TMEM214: variants seen among roughly 807,000 people sequenced by gnomAD.
TMEM214 encodes transmembrane protein 214.
A neutral mutation model predicts 89.8 loss-of-function variants in TMEM214; 71 were observed. The observed-to-expected ratio is 0.79, with a 90% CI of 0.65 to 0.96. TMEM214 has a LOEUF of 0.96. TMEM214 is among the 40% of genes least tolerant of loss of function. TMEM214 has a pLI of 0.00. For synonymous variants in TMEM214, 332 were observed against 349.5 expected (o/e 0.95, Z 0.56); for missense variants, 754 against 843.4 (o/e 0.89, Z 1.31).
chr2:27,039,236 G>A lies in TMEM214; in HGVS notation c.1525+72G>A, dbSNP rs112434687. 2.0e-5 allele frequency: 25 copies of A among 1,243,436 alleles called. No individual in the cohort carries two copies. The East Asian group carries it at 2.2e-4, about 11-fold the overall frequency. 77.0% of individuals were successfully genotyped at this position (1,243,436 alleles called of 1,614,324 possible). The stretch of plus-strand genomic sequence containing the variant: ...GAGCTACACGTAGCACCACCACCCC[G>A]CCCCCAGCAGCACACATCTTTGTCC... On this transcript the variant is annotated intron_variant, in intron 13 of 16. Coordinates refer to ENST00000238788, the MANE Select transcript of TMEM214 (RefSeq NM_017727.5).
chr2:27,036,612 G>GA lies in TMEM214; in HGVS notation c.826+23dup. The GA allele has an allele frequency of 6.2e-7, 1 of 1,613,728 alleles. No individual in the cohort carries two copies. The highest frequency in any genetic ancestry group is 8.5e-7 in the Non-Finnish European group (1 of 1,179,584). On this transcript the variant is annotated intron_variant, in intron 6 of 16. Coordinates refer to ENST00000238788, the MANE Select transcript of TMEM214 (RefSeq NM_017727.5). ...TGAAAGGTAACAGGGAAATAGGGAAGAAAGAGGGAGGGTCTCGGAGCTGGA... is the reference window on the plus strand; with the variant it reads ...TGAAAGGTAACAGGGAAATAGGGAAGAAAAGAGGGAGGGTCTCGGAGCTGGA...
chr2:27,039,619 C>A, intron 13 of TMEM214, 122 bp from the exon 14 acceptor site: 2 of 861,844 alleles, frequency 2.3e-6, no homozygotes, highest in Non-Finnish European at 3.9e-6. Flanking sequence ...GGCTTTGTGG[C>A]CCTGTGAGAA....
rs373622522 is a variant in TMEM214 at position 27,036,091 on chromosome 2, G to A, written c.720+39G>A. 3 of 1,594,604 alleles carry A rather than the reference G, an allele frequency of 1.9e-6. No homozygotes were observed. The East Asian group carries it at 6.7e-5, about 36-fold the overall frequency. The stretch of plus-strand genomic sequence containing the variant: ...GATGGTGGGGATGCTAGGAAGCTAG[G>A]ACTGGGGAGGCTGGGCAGAATCTAT... On this transcript the variant is annotated intron_variant, in intron 5 of 16. Coordinates refer to ENST00000238788, the MANE Select transcript of TMEM214 (RefSeq NM_017727.5).
Position 27,038,087 on chromosome 2 carries a change from C to T in TMEM214, c.1153-59C>T. The T allele has an allele frequency of 2.5e-6, 4 of 1,613,270 alleles. No homozygotes were observed. The highest frequency in any genetic ancestry group is 2.5e-6 in the Non-Finnish European group (3 of 1,179,864). Reference sequence around the variant, plus strand: ...ACGGGAAGGGGATCACCTCTTAGCACTCCCCGCCTCTGCCAGCCCCATGCC... The same window carrying T: ...ACGGGAAGGGGATCACCTCTTAGCATTCCCCGCCTCTGCCAGCCCCATGCC... On this transcript the variant is annotated intron_variant, in intron 9 of 16. Transcript: ENST00000238788. This position sits in a 1 kb window ranked among gnomAD's most constrained non-coding sequence, Gnocchi z 4.4.
intron 16 of TMEM214, 49 bp downstream of exon 16, chr2:27,040,545 C>A: frequency 6.2e-7 from 1 of 1,601,910 alleles, no homozygotes; most frequent in African/African-American, 1.3e-5. Context: ...AGCCCCATTC[C>A]CGGGCCCCAG....
Position 27,038,949 on chromosome 2 carries a change from T to C in TMEM214, c.1408-98T>C, listed in dbSNP as rs887123473. Reference sequence around the variant, plus strand: ...GCTGCCTCCAGGATAATGTGAAGGCTTGACGCTCTTTCGGGAAGGCCTGGC... The same window carrying C: ...GCTGCCTCCAGGATAATGTGAAGGCCTGACGCTCTTTCGGGAAGGCCTGGC... On this transcript the variant is annotated intron_variant, in intron 12 of 16. Transcript: ENST00000238788. The surrounding 1 kb of genome is among the most constrained non-coding windows in gnomAD (Gnocchi z 4.4). 11 of 1,477,850 alleles carry C rather than the reference T, an allele frequency of 7.4e-6. No individual in the cohort carries two copies. The highest frequency in any genetic ancestry group is 8.5e-6 in the Non-Finnish European group (9 of 1,062,852). The allele number at this position is 1,477,850 out of a possible 1,614,324, so 91.5% of individuals were successfully genotyped here.
Position 27,040,808 on chromosome 2 carries a change from T to C in TMEM214, c.2041T>C (p.Trp681Arg). Residue 681 changes from tryptophan (W) to arginine (R), a missense_variant, in exon 17 of 17, where the codon TGG becomes CGG. Physicochemically the swap from Trp to Arg is moderately radical, Grantham distance 101. Coordinates refer to ENST00000238788, the MANE Select transcript of TMEM214 (RefSeq NM_017727.5). Reference protein sequence around the residue: ...LQDITVAFLDWALALISQQ With the variant: ...LQDITVAFLDRALALISQQ ...GGACATTACAGTGGCTTTCTTGGAC[T>C]GGGCACTTGCCCTGATATCCCAGCA... 2.5e-6 allele frequency: 4 copies of C among 1,614,128 alleles called. No homozygotes were observed. The highest frequency in any genetic ancestry group is 3.4e-6 in the Non-Finnish European group (4 of 1,179,944).
rs1163738027 is a variant in TMEM214, at chr2:27,033,042, G to A, written c.27G>A (p.Gly9=). MATKTAGV[G]RWEVVKKGRR... is the part of the protein sequence containing the mutation. Reference sequence around the variant, plus strand: ...TGGCGACCAAGACGGCGGGCGTGGGGCGGTGGGAGGTAGTGAAGAAGGGTC... The same window carrying A: ...TGGCGACCAAGACGGCGGGCGTGGGACGGTGGGAGGTAGTGAAGAAGGGTC... Residue 9 remains glycine, a synonymous_variant, in exon 1 of 17, where the codon GGG becomes GGA. Transcript: ENST00000238788. 3.9e-5 allele frequency: 49 copies of A among 1,247,100 alleles called. No individual in the cohort carries two copies. The highest frequency in any genetic ancestry group is 5.0e-5 in the Non-Finnish European group (49 of 987,960). The allele number at this position is 1,247,100 out of a possible 1,614,324, so 77.3% of individuals were successfully genotyped here.
At position 27,040,777 on chromosome 2, in the gene TMEM214, C is replaced by T. The variant is rs1360011384; in HGVS notation, c.2010C>T (p.Cys670=). The T allele has an allele frequency of 6.2e-7, 1 of 1,614,090 alleles. No homozygotes were observed. The highest frequency in any genetic ancestry group is 8.5e-7 in the Non-Finnish European group (1 of 1,180,036). The change falls in exon 17 of 17, where the codon TGC becomes TGT. Residue 670 remains cysteine (C), a synonymous_variant. Transcript: ENST00000238788. ...LSEAVHWTWL[C]LQDITVAFLD... ...AGGCTGTCCACTGGACCTGGCTTTG[C>T]CTACAGGACATTACAGTGGCTTTCT...
rs1010385811 is a variant in TMEM214, at chr2:27,037,762, T to C, written c.1152+60T>C. On this transcript the variant is annotated intron_variant, in intron 9 of 16. Coordinates refer to ENST00000238788, the MANE Select transcript of TMEM214 (RefSeq NM_017727.5). ...CAGGGGTCAGCTGTAGCGGTCCCTA[T>C]CTGCTGACAAAGGCCTTGCCTTCAC... 1.1e-5 allele frequency: 18 copies of C among 1,613,774 alleles called. No homozygotes were observed. In the African/African-American group the frequency reaches 2.0e-4, roughly 18 times the overall value.
Position 27,032,994 on chromosome 2 carries a change from C to A in TMEM214, c.-22C>A, listed in dbSNP as rs887712464. 6.4e-6 allele frequency: 8 copies of A among 1,245,248 alleles called. No homozygotes were observed. Among genetic ancestry groups the A allele is most frequent in the Non-Finnish European group, 8.1e-6 (8 of 987,434 alleles). 77.1% of individuals were successfully genotyped at this position (1,245,248 alleles called of 1,614,324 possible). A position where few individuals can be genotyped will look rare whatever the true frequency, so the allele number is the denominator to read the frequency against. ...CGGACCGGAAAGCCGGGGAAGTGGC[C>A]GAGGAGGGAGGGCTGCGAGCCATGG... On this transcript the variant is annotated 5_prime_UTR_variant, in exon 1 of 17. Coordinates refer to ENST00000238788, the MANE Select transcript of TMEM214 (RefSeq NM_017727.5).
chr2:27,038,016 T>C lies in TMEM214; in HGVS notation c.1153-130T>C. 1.3e-6 allele frequency: 2 copies of C among 1,598,980 alleles called. No individual in the cohort carries two copies. The highest frequency in any genetic ancestry group is 1.7e-6 in the Non-Finnish European group (2 of 1,173,438). On this transcript the variant is annotated intron_variant, in intron 9 of 16. Coordinates refer to ENST00000238788, the MANE Select transcript of TMEM214 (RefSeq NM_017727.5). The surrounding 1 kb of genome is among the most constrained non-coding windows in gnomAD (Gnocchi z 4.4). ...AGAGCTTTCTGGAGTCTTGACACTG[T>C]TTCTCCACCCCTTAGGGTGGATGTG...
chr2:27,034,642 G>A (rs941522934), intron 2 of TMEM214: 37 of 205,116 alleles, frequency 1.8e-4, no homozygotes, highest in South Asian at 1.4e-3. Flanking sequence ...TCCCTCTGTC[G>A]CCCAGGCTGG....
chr2:27,033,332 G>A (rs548726304), intron 1 of TMEM214, among the ~76,000 whole-genome samples, 166 bp downstream of exon 1: 1 of 152,252 alleles, frequency 6.6e-6, no homozygotes, highest in South Asian at 2.1e-4. Context: ...GGAAGGTTGC[G>A]GTCCTCACCT....
chr2:27,038,610 C>A lies in TMEM214; in HGVS notation c.1293+78C>A, dbSNP rs1025598449. On this transcript the variant is annotated intron_variant, in intron 11 of 16. Transcript: ENST00000238788. This position sits in a 1 kb window ranked among gnomAD's most constrained non-coding sequence, Gnocchi z 4.4. The stretch of plus-strand genomic sequence containing the variant: ...TGAGTGGGGGCTCCTCAGCCACTGT[C>A]CCTTCCCTGAGAAGGGACCCTGTTG... The A allele has an allele frequency of 6.8e-5, 109 of 1,605,980 alleles. No individual in the cohort carries two copies. Among genetic ancestry groups the A allele is most frequent in the Non-Finnish European group, 8.4e-5 (99 of 1,173,880 alleles).
Position 27,039,732 on chromosome 2 carries a change from TTTAC to T in TMEM214, c.1526-5_1526-2del. The T allele has an allele frequency of 6.2e-7, 1 of 1,613,918 alleles. No individual in the cohort carries two copies. The highest frequency in any genetic ancestry group is 1.1e-5 in the South Asian group (1 of 91,072). Reference sequence around the variant, plus strand: ...ACCTCCCAGCTCACCAGAGGCCCCCTTTACTTAGCCTCCCTTACTGGCCGGTTGC... The same window carrying T: ...ACCTCCCAGCTCACCAGAGGCCCCCTTTAGCCTCCCTTACTGGCCGGTTGC... On this transcript the variant is annotated splice_polypyrimidine_tract_variant and splice_region_variant and intron_variant, in intron 13 of 16. Coordinates refer to ENST00000238788, the MANE Select transcript of TMEM214 (RefSeq NM_017727.5).
At chr2:27,039,677 G>A in intron 13 of TMEM214, 64 bp from the exon 14 acceptor site, 1 of 1,385,830 alleles carries the variant, frequency 7.2e-7, no homozygotes, top group Non-Finnish European at 1.0e-6. Context: ...GGGCCCTGTA[G>A]TGTCTGTCTC....
Position 27,038,321 on chromosome 2 carries a change from C to G in TMEM214, c.1244+84C>G. ...CACTGTCCCATGGCCTGACACCTTTCAGGCTGAGTGGGAACATTGCTGGAG... is the reference window on the plus strand; with the variant it reads ...CACTGTCCCATGGCCTGACACCTTTGAGGCTGAGTGGGAACATTGCTGGAG... On this transcript the variant is annotated intron_variant, in intron 10 of 16. Transcript: ENST00000238788. This position sits in a 1 kb window ranked among gnomAD's most constrained non-coding sequence, Gnocchi z 4.4. 4 of 1,557,570 alleles carry G rather than the reference C, an allele frequency of 2.6e-6. No individual in the cohort carries two copies. In the South Asian group the frequency reaches 4.5e-5, roughly 17 times the overall value.
Position 27,033,087 on chromosome 2 carries a change from C to A in TMEM214, c.72C>A (p.Ala24=). ...AGGGTCGGCGGCCTGGGGTCGGCGC[C>A]GGCGCCGGCGGCCGAGGAGGCGGCA... ...VKKGRRPGVG[A]GAGGRGGGRN... Residue 24 remains alanine, a synonymous_variant, in exon 1 of 17, where the codon GCC becomes GCA. Coordinates refer to ENST00000238788, the MANE Select transcript of TMEM214 (RefSeq NM_017727.5). 8.0e-7 allele frequency: 1 copy of A among 1,247,470 alleles called. No homozygotes were observed. 77.3% of individuals were successfully genotyped at this position (1,247,470 alleles called of 1,614,324 possible). A position where few individuals can be genotyped will look rare whatever the true frequency, so the allele number is the denominator to read the frequency against.
Sources: gnomAD v4.1 joint callset for allele counts (sites outside exome capture counted in the v4.1 genomes callset) on GRCh38, gnomAD v4.1.1 for gene constraint, Gnocchi (gnomAD v3.1) non-coding constraint, MANE v1.5 for transcripts, NCBI Gene and HGNC (gene_info 2026-07-23, HGNC 2026-07-21) for gene names.